Variants in EPYC observed in about 807,000 individuals in gnomAD.
EPYC encodes epiphycan.
In EPYC, 28 loss-of-function variants were observed where a neutral mutation model predicts 30.1. The observed-to-expected ratio is 0.93, with a 90% confidence interval of 0.69 to 1.28. The LOEUF (loss-of-function observed/expected upper bound fraction) is 1.28. Ranked by LOEUF, EPYC falls within the 50% of genes most tolerant of loss-of-function variation. The pLI is 0.00. For missense variants in EPYC, 382 were observed against 383.5 expected (o/e 1.00, Z 0.03); for synonymous variants, 144 against 141.4 (o/e 1.02, Z -0.13).
chr12:90,994,212 C>A (rs1356245634), intron 2 of EPYC, among the ~76,000 whole-genome samples: 2 of 152,190 alleles, frequency 1.3e-5, no homozygotes, highest in South Asian at 2.1e-4. Context: ...ATGGGGTTAG[C>A]CTTCATCATA....
At chr12:90,982,801 A>G (rs1396875950) in intron 2 of EPYC, among the ~76,000 whole-genome samples, 1 of 152,080 alleles carries the variant, frequency 6.6e-6, no homozygotes. Flanking sequence ...CATCCATGCT[A>G]TCTCAAATGA....
chr12:90,993,641 C>G (rs534090164), intron 2 of EPYC, among the ~76,000 whole-genome samples: 1 of 151,710 alleles, frequency 6.6e-6, no homozygotes, highest in Non-Finnish European at 1.5e-5. Context: ...GTTATTTTTT[C>G]TTTGTCTCAC....
chr12:90,993,139 T>C (rs1565875467), intron 2 of EPYC, among the ~76,000 whole-genome samples: 1 of 152,130 alleles, frequency 6.6e-6, no homozygotes. Flanking sequence ...CCTAAGCTAA[T>C]TGATGATTGA....
At chr12:90,974,105 T>G (rs1023341972) in intron 3 of EPYC, among the ~76,000 whole-genome samples, 1 of 151,152 alleles carries the variant, frequency 6.6e-6, no homozygotes, top group Non-Finnish European at 1.5e-5. Context: ...TCATTTTCTG[T>G]TTAGTGATCA....
intron 3 of EPYC, 60 bp from the exon 4 acceptor site, chr12:90,973,040 T>C (rs1877094768): frequency 1.6e-6 from 2 of 1,239,516 alleles, no homozygotes; most frequent in Non-Finnish European, 2.3e-6. Flanking sequence ...TAAGAAATAA[T>C]GTGGAATGTT....
chr12:90,964,602 G>C (rs1475687982), intron 6 of EPYC, among the ~76,000 whole-genome samples: 2 of 152,106 alleles, frequency 1.3e-5, no homozygotes, highest in Admixed American at 1.3e-4. Flanking sequence ...AAAATGATGA[G>C]TATTGTGAAG....
intron 2 of EPYC, among the ~76,000 whole-genome samples, chr12:90,988,168 A>G (rs984944528): frequency 6.6e-6 from 1 of 151,988 alleles, no homozygotes; most frequent in African/African-American, 2.4e-5. Flanking sequence ...AAGGCCAGAG[A>G]TAGTCATATT....
intron 2 of EPYC, among the ~76,000 whole-genome samples, chr12:90,989,790 C>A (rs1213542093): frequency 6.6e-6 from 1 of 151,972 alleles, no homozygotes; most frequent in East Asian, 1.9e-4. Context: ...AGAGTTTCTA[C>A]TTCAGCTTTA....
chr12:90,971,389 G>T (rs1482150608), intron 5 of EPYC, among the ~76,000 whole-genome samples: 1 of 152,092 alleles, frequency 6.6e-6, no homozygotes, highest in East Asian at 1.9e-4. Flanking sequence ...CCTTATAGAA[G>T]TTGAGCATAG....
rs115629013 is a variant in EPYC, at chr12:90,973,321, A to G, written c.341-341T>C. Among the ~76,000 whole-genome samples the G allele has an allele frequency of 7.0e-3, 1,069 of 152,286 alleles. 9 individuals carry two copies. The highest frequency in any genetic ancestry group is 0.025 in the African/African-American group (1,029 of 41,566). ...TAAGTCTTTGGTTTAATAATGAAAC[A>G]TTTCACTAAAACAACACTTGCTTCA... On this transcript the variant is annotated intron_variant, in intron 3 of 6. Transcript: ENST00000261172.
At chr12:91,000,684 A>G (rs921680079) in intron 2 of EPYC, among the ~76,000 whole-genome samples, 16 of 152,074 alleles carry the variant, frequency 1.1e-4, no homozygotes, top group African/African-American at 3.9e-4. Flanking sequence ...ATTCAGTTAT[A>G]GTGATCATCA....
intron 6 of EPYC, among the ~76,000 whole-genome samples, chr12:90,969,233 A>T (rs1360211751): frequency 2.0e-5 from 3 of 151,930 alleles, no homozygotes; most frequent in African/African-American, 4.8e-5. Context: ...GTTAAACTAT[A>T]ATGTTGTTTC....
chr12:90,970,830 G>T (rs2408416), intron 5 of EPYC, among the ~76,000 whole-genome samples: 3 of 152,082 alleles, frequency 2.0e-5, no homozygotes, highest in Non-Finnish European at 2.9e-5. Flanking sequence ...ACTATCCCCT[G>T]TGCCATCCCT....
At chr12:90,975,237 A>C (rs1877153643) in intron 3 of EPYC, among the ~76,000 whole-genome samples, 1 of 152,090 alleles carries the variant, frequency 6.6e-6, no homozygotes, top group African/African-American at 2.4e-5. Context: ...TTAAGAGTTA[A>C]GGCATTTGAT....
rs77596027 is a variant in EPYC at position 90,978,324 on chromosome 12, G to C, written c.166-62C>G. On this transcript the variant is annotated intron_variant, in intron 2 of 6. Coordinates refer to ENST00000261172, the MANE Select transcript of EPYC (RefSeq NM_004950.5). ...AACTTCTCAGTCACTCTGTGTGGCA[G>C]TGACACAAATTTAAAATGTACCCAT... The C allele has an allele frequency of 4.9e-3, 7,352 of 1,498,400 alleles. 302 individuals carry two copies. In the African/African-American group the frequency reaches 0.09, roughly 18 times the overall value. 92.8% of individuals were successfully genotyped at this position (1,498,400 alleles called of 1,614,324 possible). A position where few individuals can be genotyped will look rare whatever the true frequency, so the allele number is the denominator to read the frequency against.
chr12:90,972,261 CT>C (rs1877071610), intron 4 of EPYC, among the ~76,000 whole-genome samples: 1 of 152,106 alleles, frequency 6.6e-6, no homozygotes, highest in South Asian at 2.1e-4. Context: ...TAAAGTTTGT[CT>C]GGATTTTGTC....
intron 3 of EPYC, 71 bp downstream of exon 3, chr12:90,978,017 A>C: frequency 7.3e-7 from 1 of 1,367,700 alleles, no homozygotes; most frequent in Non-Finnish European, 9.7e-7. Flanking sequence ...GTTTCCCTGT[A>C]GAGTTGAAGC....
chr12:90,976,953 T>A (rs183925718), intron 3 of EPYC, among the ~76,000 whole-genome samples: 33 of 152,242 alleles, frequency 2.2e-4, no homozygotes, highest in African/African-American at 7.9e-4. Flanking sequence ...TCCTCAGCCA[T>A]GTGGAACTGT....
chr12:90,985,771 C>T (rs1207954894), intron 2 of EPYC, among the ~76,000 whole-genome samples: 2 of 152,130 alleles, frequency 1.3e-5, no homozygotes, highest in African/African-American at 4.8e-5. Flanking sequence ...AAGTCCCTAA[C>T]TAGATGATCC....
Sources: allele counts gnomAD v4.1 joint callset (sites outside exome capture counted in the v4.1 genomes callset), GRCh38; gene constraint gnomAD v4.1.1; transcripts MANE v1.5; gene names NCBI Gene and HGNC (gene_info 2026-07-23, HGNC 2026-07-21).